The following DACH2 variants were observed in gnomAD, a reference collection of about 807,000 sequenced individuals.
DACH2 encodes the protein dachshund family transcription factor 2.
DACH2 carries 17 observed loss-of-function variants against 35.8 expected under a neutral mutation model. The observed-to-expected ratio is 0.48, with a 90% CI of 0.33 to 0.71. DACH2 has a LOEUF of 0.71. Ranked by LOEUF, DACH2 falls within the 30% of genes least tolerant of loss-of-function variation. The pLI is 0.02. For synonymous variants in DACH2, 195 were observed against 177.3 expected, an observed-to-expected ratio of 1.10 and a Z score of -0.79; for missense variants, 469 against 472.7, an observed-to-expected ratio of 0.99 and a Z score of 0.07.
At chrX:86,182,451 C>T (rs914868566) in intron 1 of DACH2, among the ~76,000 whole-genome samples, 2 of 111,806 alleles carry the variant, frequency 1.8e-5, no homozygotes, top group Non-Finnish European at 3.8e-5. Flanking sequence ...GAATCCTTTC[C>T]CCATTGCTTG....
At chrX:86,215,712 A>G (rs183186638) in intron 1 of DACH2, among the ~76,000 whole-genome samples, 2 of 111,711 alleles carry the variant, frequency 1.8e-5, no homozygotes, top group Non-Finnish European at 3.8e-5. Flanking sequence ...ACAAGCACAA[A>G]TGCTAGGGTC....
intron 3 of DACH2, among the ~76,000 whole-genome samples, chrX:86,628,870 G>A (rs2040167422): frequency 8.9e-6 from 1 of 111,742 alleles, no homozygotes; most frequent in African/African-American, 3.3e-5. Flanking sequence ...TCTGGAAAGT[G>A]GTTCATTATT....
At chrX:86,308,127 C>T (rs1461238194) in intron 1 of DACH2, among the ~76,000 whole-genome samples, 2 of 112,127 alleles carry the variant, frequency 1.8e-5, no homozygotes, top group Non-Finnish European at 3.8e-5. Flanking sequence ...TAGACCTGCT[C>T]ATCGCACCTG....
At chrX:86,491,387 C>G (rs1001933667) in intron 2 of DACH2, among the ~76,000 whole-genome samples, 10 of 111,739 alleles carry the variant, frequency 8.9e-5, no homozygotes, top group Non-Finnish European at 1.9e-4. Context: ...ATACAAGGAC[C>G]TCTAATTTTA....
intron 3 of DACH2, among the ~76,000 whole-genome samples, chrX:86,529,691 C>T (rs1439568096): frequency 1.9e-5 from 2 of 107,758 alleles, no homozygotes; most frequent in African/African-American, 6.8e-5. Context: ...CCAGGATGGT[C>T]TCAATCTCCT....
At chrX:86,639,934 G>C (rs1191717053) in intron 3 of DACH2, among the ~76,000 whole-genome samples, 1 of 111,278 alleles carries the variant, frequency 9.0e-6, no homozygotes, top group African/African-American at 3.3e-5. Context: ...CTTCCTACAG[G>C]TGCTTTTGGA....
chrX:86,338,112 C>T (rs66960310), intron 1 of DACH2, among the ~76,000 whole-genome samples: 24,928 of 110,363 alleles, frequency 0.23, 3,714 homozygotes, highest in African/African-American at 0.54. Flanking sequence ...TACACAATAA[C>T]AGACAGATAC....
chrX:86,472,458 C>A (rs1243321170), intron 2 of DACH2, among the ~76,000 whole-genome samples: 1 of 111,710 alleles, frequency 9.0e-6, no homozygotes, highest in African/African-American at 3.2e-5. Context: ...TTTCAGACTT[C>A]TGACCCCAGA....
In DACH2 at chrX:86,235,854, C is replaced by T. The variant is rs115437720; in HGVS notation, c.488+86746C>T. ...AGCATTTTAGGTAAGGGATACTAGG[C>T]TGGGCATGGTGGTTCACACCTGTAA... On this transcript the variant is annotated intron_variant, in intron 1 of 11. Transcript: ENST00000373125. Among the ~76,000 whole-genome samples, 465 of 111,848 alleles carry T rather than the reference C, an allele frequency of 4.2e-3. 2 individuals are homozygous for T. The highest frequency in any genetic ancestry group is 0.014 in the African/African-American group (425 of 30,805).
chrX:86,800,173 A>G (rs1282553502), intron 7 of DACH2, among the ~76,000 whole-genome samples: 1 of 112,450 alleles, frequency 8.9e-6, no homozygotes, highest in Non-Finnish European at 1.9e-5. Flanking sequence ...TTTTTTGAAA[A>G]TATTCCTCTT....
At chrX:86,399,798 C>G (rs185292512) in intron 2 of DACH2, among the ~76,000 whole-genome samples, 1 of 111,669 alleles carries the variant, frequency 9.0e-6, no homozygotes, top group Non-Finnish European at 1.9e-5. Context: ...ACCTTTCTCT[C>G]TGGCTGCCCT....
At chrX:86,321,308 C>A (rs1025047669) in intron 1 of DACH2, among the ~76,000 whole-genome samples, 4 of 111,514 alleles carry the variant, frequency 3.6e-5, no homozygotes, top group African/African-American at 1.3e-4. Context: ...TTAAAAAGGG[C>A]CTGTGTAAGC....
intron 1 of DACH2, among the ~76,000 whole-genome samples, chrX:86,295,227 C>T (rs891486433): frequency 5.9e-5 from 3 of 50,538 alleles, no homozygotes; most frequent in Non-Finnish European, 9.7e-5. Context: ...AAGGGAACTC[C>T]CTGACCCCTT....
rs1230196673 is a variant in DACH2 at position 86,347,920 on chromosome X, T to C, written c.489-28904T>C. On this transcript the variant is annotated intron_variant, in intron 1 of 11. Transcript: ENST00000373125. ...TCATTTATAAACTTTCTGTTGCAGA[T>C]CTTATTTTCCCTCTCAGCTTTTGCT... is the stretch of plus-strand genomic sequence containing the variant. 2.7e-5 allele frequency among the ~76,000 whole-genome samples: 3 copies of C among 112,162 alleles called. No homozygotes were observed. The East Asian group carries it at 8.4e-4, about 31-fold the overall frequency.
At chrX:86,615,746 G>A (rs1328595660) in intron 3 of DACH2, among the ~76,000 whole-genome samples, 1 of 110,826 alleles carries the variant, frequency 9.0e-6, no homozygotes, top group Non-Finnish European at 1.9e-5. Flanking sequence ...AGTGACAGCA[G>A]CCATTTAACT....
At chrX:86,607,661 G>A (rs1367869555) in intron 3 of DACH2, among the ~76,000 whole-genome samples, 1 of 107,022 alleles carries the variant, frequency 9.3e-6, no homozygotes, top group African/African-American at 3.4e-5. Flanking sequence ...AGTTACATAT[G>A]TATACATGTG....
intron 4 of DACH2, among the ~76,000 whole-genome samples, chrX:86,654,214 A>C (rs2040515011): frequency 9.8e-6 from 1 of 101,772 alleles, no homozygotes; most frequent in Non-Finnish European, 2.0e-5. Context: ...AAAAAAAAAA[A>C]CGCAATTAAA....
At chrX:86,447,157 G>A (rs1236653764) in intron 2 of DACH2, among the ~76,000 whole-genome samples, 3 of 99,670 alleles carry the variant, frequency 3.0e-5, no homozygotes, top group Non-Finnish European at 6.0e-5. Context: ...TTTTTTTCTT[G>A]TAAATTTGTT....
At chrX:86,806,865 C>G (rs1313755613) in intron 7 of DACH2, among the ~76,000 whole-genome samples, 1 of 111,827 alleles carries the variant, frequency 8.9e-6, no homozygotes, top group Non-Finnish European at 1.9e-5. Flanking sequence ...CAGTGCTTCC[C>G]AACCAGTATT....
Sources: allele counts gnomAD v4.1 joint callset (sites outside exome capture counted in the v4.1 genomes callset), GRCh38; gene constraint gnomAD v4.1.1; transcripts MANE v1.5; gene names NCBI Gene and HGNC (gene_info 2026-07-23, HGNC 2026-07-21).